The following QPCT variants were observed in gnomAD, a reference collection of about 807,000 sequenced individuals.
QPCT encodes glutaminyl-peptide cyclotransferase.
A neutral mutation model predicts 43.4 loss-of-function variants in QPCT; 44 were observed. The ratio of observed to expected loss-of-function variants is 1.01; its 90% CI spans 0.80 to 1.30. QPCT has a LOEUF of 1.30. Among genes scored for constraint, QPCT ranks in the 50% most tolerant of loss-of-function variants. The pLI, the probability that QPCT is intolerant of heterozygous loss-of-function variation, is 0.00. For missense variants in QPCT, 526 were observed against 436.5 expected (o/e 1.21, Z -1.83); for synonymous variants, 168 against 168.4 (o/e 1.00, Z 0.02).
chr2:37,344,970 C>G (rs1451617059), intron 1 of QPCT, 119 bp downstream of exon 1: 110 of 1,391,792 alleles, frequency 7.9e-5, no homozygotes, highest in Non-Finnish European at 9.7e-5. Flanking sequence ...GGTCCCCAGC[C>G]CAGGCACCGG....
intron 1 of QPCT, among the ~76,000 whole-genome samples, chr2:37,348,329 G>A (rs1213776517): frequency 1.3e-5 from 2 of 152,180 alleles, no homozygotes; most frequent in African/African-American, 2.4e-5. Flanking sequence ...AAGCCCGCAC[G>A]GCTCTGCTTT....
intron 2 of QPCT, among the ~76,000 whole-genome samples, chr2:37,355,436 G>A (rs1462080617): frequency 1.3e-5 from 2 of 151,760 alleles, no homozygotes; most frequent in Non-Finnish European, 2.9e-5. Context: ...TAGATGAGAT[G>A]TTTTATAATT....
intron 1 of QPCT, among the ~76,000 whole-genome samples, chr2:37,350,352 G>C (rs184415554): frequency 7.1e-4 from 108 of 152,256 alleles, no homozygotes; most frequent in African/African-American, 2.5e-3. Context: ...TTATCCCTTC[G>C]CACATTTCTA....
At chr2:37,371,431 C>CAAAAAAAAAAAA (rs3050580) in intron 5 of QPCT, among the ~76,000 whole-genome samples, 151 of 69,236 alleles carry the variant, frequency 2.2e-3, no homozygotes, top group East Asian at 0.015. Flanking sequence ...GACTCCATCT[C>CAAAAAAAAAAAA]AAAAAAAAAA....
At chr2:37,367,027 G>A in intron 3 of QPCT, 4 of 535,974 alleles carry the variant, frequency 7.5e-6, no homozygotes, top group East Asian at 3.2e-5. Flanking sequence ...ATGGAAGAAG[G>A]TGGTTTATAT....
intron 2 of QPCT, among the ~76,000 whole-genome samples, chr2:37,355,325 A>G (rs72864858): frequency 0.016 from 2,366 of 152,342 alleles, 46 homozygotes; most frequent in African/African-American, 0.039. Flanking sequence ...GAACTACACT[A>G]ATGGCCTTAA....
intron 4 of QPCT, chr2:37,368,638 C>T: frequency 1.1e-5 from 5 of 471,178 alleles, no homozygotes; most frequent in Non-Finnish European, 1.8e-5. Context: ...ATTGGCAGCT[C>T]CTAATGGGCC....
Position 37,372,683 on chromosome 2 carries a change from T to C in QPCT, c.942T>C (p.Gly314=). The C allele has an allele frequency of 6.2e-7, 1 of 1,611,860 alleles. No individual in the cohort carries two copies. Among genetic ancestry groups the C allele is most frequent in the Non-Finnish European group, 8.5e-7 (1 of 1,179,212 alleles). Residue 314 remains glycine (G), a splice_region_variant and synonymous_variant, in exon 7 of 7, where the codon GGT becomes GGC. Transcript: ENST00000338415. ...QDDHIPFLRR[G]VPVLHLIPSP... is the part of the protein sequence containing the mutation. The stretch of plus-strand genomic sequence containing the variant: ...TACAAGTTGGTTCTTTCTTAATAGG[T>C]GTTCCAGTTCTGCATCTGATACCGT...
chr2:37,364,074 G>GA (rs1186336628), intron 3 of QPCT, among the ~76,000 whole-genome samples: 8 of 152,118 alleles, frequency 5.3e-5, no homozygotes, highest in Non-Finnish European at 1.2e-4. Flanking sequence ...AGAAAACAAT[G>GA]AAATTATGCC....
At chr2:37,345,557 C>T (rs1393844629) in intron 1 of QPCT, among the ~76,000 whole-genome samples, 3 of 152,008 alleles carry the variant, frequency 2.0e-5, no homozygotes, top group African/African-American at 7.2e-5. Context: ...TGGGTTCGGC[C>T]GGGCGGGGTG....
Position 37,352,479 on chromosome 2 carries a change from G to A in QPCT, c.121-310G>A, listed in dbSNP as rs374686207. ...GCTAGAACAACGGGCATGCACCAAT[G>A]CGTCACCACGCCCATCTAATTTTTT... On this transcript the variant is annotated intron_variant, in intron 1 of 6. Transcript: ENST00000338415. Among the ~76,000 whole-genome samples, 15 of 152,232 alleles carry A rather than the reference G, an allele frequency of 9.9e-5. 1 individual carries two copies. The South Asian group carries it at 3.1e-3, about 32-fold the overall frequency.
intron 3 of QPCT, among the ~76,000 whole-genome samples, chr2:37,360,792 T>G (rs939552177): frequency 1.3e-5 from 2 of 152,248 alleles, no homozygotes; most frequent in African/African-American, 4.8e-5. Context: ...TTTCTGAGCC[T>G]TCTACAATCC....
rs116518028 is a variant in QPCT at position 37,359,593 on chromosome 2, G to A, written c.281G>A (p.Arg94Gln). The A allele has an allele frequency of 1.6e-4, 264 of 1,613,634 alleles. 1 individual carries two copies. In the East Asian group the frequency reaches 2.3e-3, roughly 14 times the overall value. Residue 94 changes from arginine to glutamine, a missense_variant, in exon 3 of 7, where the codon CGA becomes CAA. Transcript: ENST00000338415. The stretch of plus-strand genomic sequence containing the variant: ...TGTTTTGATCAGCACATCATGCAGC[G>A]AATTCAGAGGCTTCAGGCTGACTGG... ...SYAARQHIMQ[R>Q]IQRLQADWVL...
At chr2:37,368,491 T>C (rs1313124654) in intron 4 of QPCT, 1 of 425,296 alleles carries the variant, frequency 2.4e-6, no homozygotes, top group Non-Finnish European at 4.9e-6. Flanking sequence ...TGATAGCTTA[T>C]TCCCAGCACC....
chr2:37,347,153 T>TATATATATC (rs1672507191), intron 1 of QPCT, among the ~76,000 whole-genome samples: 1 of 57,108 alleles, frequency 1.8e-5, no homozygotes, highest in African/African-American at 9.1e-5. Context: ...TTTATATATA[T>TATATATATC]ATATATATAT....
rs143642421 is a variant in QPCT at position 37,359,635 on chromosome 2, C to G, written c.323C>G (p.Thr108Ser). ...GCTGACTGGGTCTTGGAAATAGACA[C>G]CTTCTTGAGTCAGACACCCTATGGG... ...LQADWVLEID[T>S]FLSQTPYGYR... Residue 108 changes from threonine to serine, a missense_variant, in exon 3 of 7, where the codon ACC (threonine) becomes AGC (serine). Coordinates refer to ENST00000338415, the MANE Select transcript of QPCT (RefSeq NM_012413.4). 5 of 1,614,126 alleles carry G rather than the reference C, an allele frequency of 3.1e-6. No individual in the cohort carries two copies. The highest frequency in any genetic ancestry group is 4.2e-6 in the Non-Finnish European group (5 of 1,180,002).
intron 5 of QPCT, among the ~76,000 whole-genome samples, chr2:37,371,392 C>T (rs1211710424): frequency 7.0e-6 from 1 of 142,658 alleles, no homozygotes; most frequent in African/African-American, 2.7e-5. Flanking sequence ...TGAGGTGGCG[C>T]CACTGCACTC....
At chr2:37,366,962 T>G (rs1166108709) in intron 3 of QPCT, among the ~76,000 whole-genome samples, 1 of 152,214 alleles carries the variant, frequency 6.6e-6, no homozygotes, top group Non-Finnish European at 1.5e-5. Flanking sequence ...TTTCATTGTT[T>G]CAAAATTCTG....
intron 3 of QPCT, among the ~76,000 whole-genome samples, chr2:37,362,495 A>T (rs867133978): frequency 9.8e-5 from 15 of 152,364 alleles, no homozygotes; most frequent in Middle Eastern, 6.8e-3. Flanking sequence ...CTCATGGTAT[A>T]ATTAAGGAGC....
Sources: gnomAD v4.1 joint callset for allele counts (sites outside exome capture counted in the v4.1 genomes callset) on GRCh38, gnomAD v4.1.1 for gene constraint, MANE v1.5 for transcripts, NCBI Gene and HGNC (gene_info 2026-07-23, HGNC 2026-07-21) for gene names.